TOX: variants seen among roughly 807,000 people sequenced by gnomAD.
The protein encoded by TOX is thymocyte selection associated high mobility group box.
Under a neutral mutation model 53.7 loss-of-function variants are expected in TOX, and 11 were observed. The ratio of observed to expected loss-of-function variants is 0.20; its 90% CI spans 0.13 to 0.34. The LOEUF (loss-of-function observed/expected upper bound fraction) is 0.34. Ranked by LOEUF, TOX falls within the 10% of genes least tolerant of loss-of-function variation. TOX has a pLI of 1.00. For missense variants in TOX, 570 were observed against 664.6 expected (o/e 0.86, Z 1.56); for synonymous variants, 225 against 245.3 (o/e 0.92, Z 0.77).
At chr8:59,060,467 A>G (rs965533532) in intron 1 of TOX, among the ~76,000 whole-genome samples, 1 of 152,200 alleles carries the variant, frequency 6.6e-6, no homozygotes, top group African/African-American at 2.4e-5. Context: ...CTCTACTAAA[A>G]ATACAAAACA....
chr8:58,837,959 G>A lies in TOX; in HGVS notation c.924+122C>T. The stretch of plus-strand genomic sequence containing the variant: ...CGTCTCAGAAAGTCTGGTTCGGATG[G>A]GGACACCTTCTCAGCGTCTGTTCTG... On this transcript the variant is annotated intron_variant, in intron 5 of 8. Transcript: ENST00000361421. 3.6e-6 allele frequency: 3 copies of A among 833,150 alleles called. No individual in the cohort carries two copies. In the East Asian group the frequency reaches 7.7e-5, roughly 21 times the overall value. 51.6% of individuals were successfully genotyped at this position (833,150 alleles called of 1,614,324 possible).
intron 1 of TOX, among the ~76,000 whole-genome samples, chr8:59,098,484 C>T (rs763660813): frequency 6.6e-6 from 1 of 150,844 alleles, no homozygotes; most frequent in Non-Finnish European, 1.5e-5. Flanking sequence ...TTCCTTGAAT[C>T]CTGCTGGTAT....
At position 59,118,932 on chromosome 8, in the gene TOX, G is replaced by T; in HGVS notation, c.56C>A (p.Pro19His). The change falls in exon 1 of 9, where the codon CCC becomes CAC. Residue 19 changes from proline to histidine, a missense_variant. By Grantham distance (77) the Pro-to-His change is moderately conservative. Transcript: ENST00000361421. This position sits in a 1 kb window ranked among gnomAD's most constrained non-coding sequence, Gnocchi z 4.1. ...PAQPAAAPDA[P>H]CLGPSPCLDP... ...CAGGCAGGGAGAAGGTCCCAGACAGGGAGCGTCGGGCGCAGCGGCGGGCTG... is the reference window on the plus strand; with the variant it reads ...CAGGCAGGGAGAAGGTCCCAGACAGTGAGCGTCGGGCGCAGCGGCGGGCTG... 1 of 1,601,604 alleles carries T rather than the reference G, an allele frequency of 6.2e-7. No homozygotes were observed. The highest frequency in any genetic ancestry group is 8.5e-7 in the Non-Finnish European group (1 of 1,173,654).
intron 3 of TOX, among the ~76,000 whole-genome samples, chr8:58,889,514 G>C (rs2129171725): frequency 6.6e-6 from 1 of 152,136 alleles, no homozygotes; most frequent in East Asian, 1.9e-4. Context: ...GGTGAAAATG[G>C]GAAGCTGGAA....
intron 1 of TOX, among the ~76,000 whole-genome samples, chr8:58,979,938 A>T (rs949050864): frequency 2.0e-5 from 3 of 152,224 alleles, no homozygotes; most frequent in African/African-American, 7.2e-5. Context: ...CACTCAACAA[A>T]TGCAACTATT....
At chr8:59,003,917 T>TAAG (rs1813741613) in intron 1 of TOX, among the ~76,000 whole-genome samples, 1 of 152,198 alleles carries the variant, frequency 6.6e-6, no homozygotes, top group East Asian at 1.9e-4. Flanking sequence ...CAGTATGAAG[T>TAAG]ATGTAAAATA....
At position 58,805,448 on chromosome 8, in the gene TOX, G is replaced by A. The variant is rs1365190059; in HGVS notation, c.*2299C>T. 1.3e-5 allele frequency: 2 copies of A among 152,254 alleles called. No individual in the cohort carries two copies. Among genetic ancestry groups the A allele is most frequent in the African/African-American group, 2.4e-5 (1 of 41,398 alleles). 9.4% of individuals were successfully genotyped at this position (152,254 alleles called of 1,614,324 possible). A position where few individuals can be genotyped will look rare whatever the true frequency, so the allele number is the denominator to read the frequency against. On this transcript the variant is annotated 3_prime_UTR_variant, in exon 9 of 9. Transcript: ENST00000361421. Reference sequence around the variant, plus strand: ...ATAATAACAGTTTTATTGATGATGTGTTTTCTTTTATTTACATTTGTTTTT... The same window carrying A: ...ATAATAACAGTTTTATTGATGATGTATTTTCTTTTATTTACATTTGTTTTT...
At chr8:58,961,103 G>GA (rs1311747236) in intron 1 of TOX, among the ~76,000 whole-genome samples, 1 of 152,116 alleles carries the variant, frequency 6.6e-6, no homozygotes, top group Non-Finnish European at 1.5e-5. Flanking sequence ...TGTTATATAA[G>GA]AACATAAAAA....
chr8:59,004,745 G>C (rs1016258308), intron 1 of TOX, among the ~76,000 whole-genome samples: 3 of 149,902 alleles, frequency 2.0e-5, no homozygotes, highest in South Asian at 2.1e-4. Context: ...ATGAGACAAC[G>C]TAACTACCTA....
At chr8:58,846,051 CATGAATTAATTAA>C (rs1005995856) in intron 4 of TOX, among the ~76,000 whole-genome samples, 2 of 151,928 alleles carry the variant, frequency 1.3e-5, no homozygotes, top group Non-Finnish European at 2.9e-5. Context: ...GTTTTTATTC[CATGAATTAATTAA>C]GTATGCTCAG....
At chr8:59,088,011 T>C (rs1804544113) in intron 1 of TOX, among the ~76,000 whole-genome samples, 1 of 152,232 alleles carries the variant, frequency 6.6e-6, no homozygotes, top group Admixed American at 6.5e-5. Flanking sequence ...CGAATTTATG[T>C]ACCTCAAGAA....
chr8:58,822,658 C>T lies in TOX; in HGVS notation c.1005+4164G>A, dbSNP rs994536857. ...TAGTGGGGGTAGCAGAGTGGGCAGT[C>T]GGCTGGACTCCACCCTCAATTAAGT... On this transcript the variant is annotated intron_variant, in intron 6 of 8. Coordinates refer to ENST00000361421, the MANE Select transcript of TOX (RefSeq NM_014729.3). Among the ~76,000 whole-genome samples, 18 of 152,296 alleles carry T rather than the reference C, an allele frequency of 1.2e-4. 1 individual carries two copies. Among genetic ancestry groups the T allele is most frequent in the East Asian group, 3.9e-4 (2 of 5,184 alleles).
At chr8:59,010,869 A>G (rs934249046) in intron 1 of TOX, among the ~76,000 whole-genome samples, 1 of 152,138 alleles carries the variant, frequency 6.6e-6, no homozygotes, top group Admixed American at 6.5e-5. Flanking sequence ...TATGTATGTC[A>G]CCTCCATTAG....
At chr8:58,898,863 C>A (rs186392012) in intron 3 of TOX, among the ~76,000 whole-genome samples, 1 of 152,172 alleles carries the variant, frequency 6.6e-6, no homozygotes, top group Non-Finnish European at 1.5e-5. Context: ...TATTTCTATT[C>A]TTATGTATTA....
rs149879883 is a variant in TOX at position 58,975,232 on chromosome 8, T to C, written c.103-15224A>G. On this transcript the variant is annotated intron_variant, in intron 1 of 8. Transcript: ENST00000361421. ...AAGTGTGTATATGTATGTATATGTG[T>C]GTGATATATATATACACACACACAC... is the stretch of plus-strand genomic sequence containing the variant. 6.4e-3 allele frequency among the ~76,000 whole-genome samples: 793 copies of C among 124,104 alleles called. 8 individuals carry two copies. The highest frequency in any genetic ancestry group is 0.01 in the Admixed American group (115 of 11,452). The allele number at this position is 124,104 out of a possible 152,430, so 81.4% of individuals were successfully genotyped here.
chr8:58,834,274 T>C (rs1810511909), intron 5 of TOX, among the ~76,000 whole-genome samples: 1 of 152,170 alleles, frequency 6.6e-6, no homozygotes, highest in Admixed American at 6.5e-5. Flanking sequence ...GACAACAGGA[T>C]TTTGGAACAA....
intron 3 of TOX, among the ~76,000 whole-genome samples, chr8:58,895,229 T>C (rs150717625): frequency 6.5e-4 from 99 of 152,292 alleles, no homozygotes; most frequent in African/African-American, 2.3e-3. Flanking sequence ...TTTGATTGCT[T>C]GGAGTCTTAC....
At chr8:59,002,895 T>A (rs1482953600) in intron 1 of TOX, among the ~76,000 whole-genome samples, 1 of 152,212 alleles carries the variant, frequency 6.6e-6, no homozygotes, top group Non-Finnish European at 1.5e-5. Context: ...TTGTTGGAAA[T>A]GGTGCCTCAG....
At chr8:58,889,819 T>A (rs1458701634) in intron 3 of TOX, among the ~76,000 whole-genome samples, 1 of 152,062 alleles carries the variant, frequency 6.6e-6, no homozygotes, top group African/African-American at 2.4e-5. Flanking sequence ...AAGTTTTTAT[T>A]TCAAAATCAA....
Sources: gnomAD v4.1 joint callset for allele counts (sites outside exome capture counted in the v4.1 genomes callset) on GRCh38, gnomAD v4.1.1 for gene constraint, Gnocchi (gnomAD v3.1) non-coding constraint, MANE v1.5 for transcripts, NCBI Gene and HGNC (gene_info 2026-07-23, HGNC 2026-07-21) for gene names.